The following ANGPT2 variants were observed in gnomAD, a reference collection of about 807,000 sequenced individuals.
ANGPT2 encodes the protein angiopoietin-2.
In ANGPT2, 28 loss-of-function variants were observed where a neutral mutation model predicts 62.9. The observed-to-expected ratio is 0.44, with a 90% CI of 0.33 to 0.61. ANGPT2 has a LOEUF of 0.61. Ranked by LOEUF, ANGPT2 falls within the 20% of genes least tolerant of loss-of-function variation. ANGPT2 has a pLI of 0.03. For missense variants in ANGPT2, 727 were observed against 594.9 expected, an observed-to-expected ratio of 1.22 and a Z score of -2.31; for synonymous variants, 284 against 207.8, an observed-to-expected ratio of 1.37 and a Z score of -3.15.
At chr8:6,555,819 T>C (rs1824512962) in intron 1 of ANGPT2, among the ~76,000 whole-genome samples, 1 of 152,220 alleles carries the variant, frequency 6.6e-6, no homozygotes, top group Non-Finnish European at 1.5e-5. Context: ...ATTATACCAA[T>C]TGCACCAATT....
intron 8 of ANGPT2, 43 bp downstream of exon 8, chr8:6,508,889 A>T (rs1814348331): frequency 6.2e-7 from 1 of 1,613,636 alleles, no homozygotes; most frequent in Non-Finnish European, 8.5e-7. Flanking sequence ...CTATGAAATC[A>T]TTCCTTGCCA....
In ANGPT2 at chr8:6,507,032, G is replaced by T. The variant is rs574071256; in HGVS notation, c.1327+1900C>A. On this transcript the variant is annotated intron_variant, in intron 8 of 8. Transcript: ENST00000629816. ...CCTGCCTCAGCCTCCTGAGTAGCTG[G>T]GATTACAGGCGTATGCCACCACGCC... Among the ~76,000 whole-genome samples, 4 of 152,018 alleles carry T rather than the reference G, an allele frequency of 2.6e-5. No homozygotes were observed. In the East Asian group the frequency reaches 7.8e-4, roughly 30 times the overall value.
At chr8:6,505,859 TA>T (rs1474159915) in intron 8 of ANGPT2, among the ~76,000 whole-genome samples, 5 of 137,912 alleles carry the variant, frequency 3.6e-5, no homozygotes, top group African/African-American at 1.3e-4. Flanking sequence ...TATGTATATA[TA>T]AAAACATACA....
chr8:6,531,331 C>T (rs562169054), intron 2 of ANGPT2, among the ~76,000 whole-genome samples: 2 of 151,240 alleles, frequency 1.3e-5, no homozygotes, highest in Non-Finnish European at 2.9e-5. Flanking sequence ...CTCTGTTGCC[C>T]AGGCTGGAGT....
rs1563306885 is a variant in ANGPT2, at chr8:6,505,413, TTATA to T, written c.1328-2156_1328-2153del. 2.5e-5 allele frequency among the ~76,000 whole-genome samples: 2 copies of T among 81,320 alleles called. 1 individual carries two copies. The highest frequency in any genetic ancestry group is 5.0e-5 in the Non-Finnish European group (2 of 40,166). 53.3% of individuals were successfully genotyped at this position (81,320 alleles called of 152,430 possible). ...TATGTATATAGAATATATATATTCT[TTATA>T]TACATAAAGAATATATATATTCTTT... is the stretch of plus-strand genomic sequence containing the variant. On this transcript the variant is annotated intron_variant, in intron 8 of 8. Transcript: ENST00000629816.
rs1021778687 is a variant in ANGPT2 at position 6,536,815 on chromosome 8, A to G, written c.289-4328T>C. Among the ~76,000 whole-genome samples, 6 of 152,108 alleles carry G rather than the reference A, an allele frequency of 3.9e-5. No individual in the cohort carries two copies. In the East Asian group the frequency reaches 1.2e-3, roughly 29 times the overall value. ...GACCTTGAAATTTCCCTGTCTCTTG[A>G]CCTTGATGAATTAGTTATTTTCTAG... On this transcript the variant is annotated intron_variant, in intron 1 of 8. Transcript: ENST00000629816.
At position 6,506,170 on chromosome 8, in the gene ANGPT2, G is replaced by A. The variant is rs118078761; in HGVS notation, c.1327+2762C>T. ...GAATGCAGATTGGACGGAAGTTTGC[G>A]TGTTCTATTCAGAATCCTTCACATA... On this transcript the variant is annotated intron_variant, in intron 8 of 8. Coordinates refer to ENST00000629816, the MANE Select transcript of ANGPT2 (RefSeq NM_001118887.2). Among the ~76,000 whole-genome samples, 925 of 151,822 alleles carry A rather than the reference G, an allele frequency of 6.1e-3. 2 individuals carry two copies. Among genetic ancestry groups the A allele is most frequent in the Non-Finnish European group, 0.011 (764 of 67,936 alleles).
At chr8:6,554,812 G>C (rs1483696881) in intron 1 of ANGPT2, among the ~76,000 whole-genome samples, 3 of 152,128 alleles carry the variant, frequency 2.0e-5, no homozygotes, top group Non-Finnish European at 4.4e-5. Context: ...AAAGAGAAAG[G>C]TTTTAGCTGG....
intron 1 of ANGPT2, among the ~76,000 whole-genome samples, chr8:6,554,586 G>A (rs1051026462): frequency 4.6e-5 from 7 of 152,030 alleles, no homozygotes; most frequent in Non-Finnish European, 8.8e-5. Flanking sequence ...TTGGTTGTTG[G>A]TTTTTAAAAT....
At chr8:6,532,198 T>C in intron 2 of ANGPT2, 134 bp downstream of exon 2, 1 of 1,064,350 alleles carries the variant, frequency 9.4e-7, no homozygotes, top group Non-Finnish European at 1.4e-6. Context: ...CTTAATTTCT[T>C]ATCAATTCAT....
Position 6,501,659 on chromosome 8 carries a change from A to C in ANGPT2, c.*1442T>G, listed in dbSNP as rs2442469. On this transcript the variant is annotated 3_prime_UTR_variant, in exon 9 of 9. Coordinates refer to ENST00000629816, the MANE Select transcript of ANGPT2 (RefSeq NM_001118887.2). ...AACCTCTACCTCCCTGGTGCAAGCA[A>C]TTCTCCCTGCCTCAGCCTCCCGAGT... is the stretch of plus-strand genomic sequence containing the variant. 6.6e-6 allele frequency: 1 copy of C among 150,718 alleles called. No individual in the cohort carries two copies. Among genetic ancestry groups the C allele is most frequent in the Non-Finnish European group, 1.5e-5 (1 of 67,858 alleles). The allele number at this position is 150,718 out of a possible 1,614,324, so 9.3% of individuals were successfully genotyped here. A position where few individuals can be genotyped will look rare whatever the true frequency, so the allele number is the denominator to read the frequency against.
At chr8:6,526,174 C>A (rs892406002) in intron 3 of ANGPT2, among the ~76,000 whole-genome samples, 10 of 147,888 alleles carry the variant, frequency 6.8e-5, no homozygotes, top group African/African-American at 2.5e-4. Flanking sequence ...AATCCCAGCA[C>A]TTTAGGATGC....
rs145341149 is a variant in ANGPT2 at position 6,523,089 on chromosome 8, C to T, written c.567-1679G>A. ...CTTGGCTCACTGCAACCTTCACCTCCCAGGTTCAAGCTATTCTCCTGCCTC... is the reference window on the plus strand; with the variant it reads ...CTTGGCTCACTGCAACCTTCACCTCTCAGGTTCAAGCTATTCTCCTGCCTC... On this transcript the variant is annotated intron_variant, in intron 3 of 8. Coordinates refer to ENST00000629816, the MANE Select transcript of ANGPT2 (RefSeq NM_001118887.2). 7.3e-3 allele frequency among the ~76,000 whole-genome samples: 1,106 copies of T among 152,094 alleles called. 23 individuals carry two copies. The highest frequency in any genetic ancestry group is 0.025 in the African/African-American group (1,056 of 41,494).
intron 3 of ANGPT2, among the ~76,000 whole-genome samples, chr8:6,524,015 C>A (rs1198730013): frequency 6.6e-6 from 1 of 151,886 alleles, no homozygotes. Context: ...GTTTCAATAT[C>A]TTCATTTTGT....
rs1012269583 is a variant in ANGPT2 at position 6,562,776 on chromosome 8, G to A, written c.159C>T (p.Cys53=). 2 of 1,613,476 alleles carry A rather than the reference G, an allele frequency of 1.2e-6. No individual in the cohort carries two copies. The highest frequency in any genetic ancestry group is 3.3e-4 in the Middle Eastern group (2 of 6,062). Residue 53 remains cysteine (C), a synonymous_variant, in exon 1 of 9, where the codon TGC becomes TGT. Coordinates refer to ENST00000629816, the MANE Select transcript of ANGPT2 (RefSeq NM_001118887.2). ...ACACGTAGGGGCTGGAGGAAGAGCG[G>A]CAGTTGTCCATCTCTGGCAGGAGGA... The part of the protein sequence containing the change: ...YTFLLPEMDN[C]RSSSSPYVSN...
intron 1 of ANGPT2, among the ~76,000 whole-genome samples, chr8:6,539,119 A>G (rs1174928588): frequency 6.6e-6 from 1 of 152,194 alleles, no homozygotes; most frequent in African/African-American, 2.4e-5. Flanking sequence ...GGCTGAGCCT[A>G]AAGAGGGAAG....
intron 8 of ANGPT2, among the ~76,000 whole-genome samples, chr8:6,505,427 A>T (rs1467193536): frequency 1.4e-5 from 1 of 73,406 alleles, no homozygotes; most frequent in Non-Finnish European, 2.9e-5. Context: ...ATACATAAAG[A>T]ATATATATAT....
In ANGPT2 at chr8:6,532,348, G is replaced by C. The variant is rs754607695; in HGVS notation, c.428C>G (p.Thr143Ser). ...ATTACTTACTTGGGCTTCCACATCA[G>C]TTAACTTCCGCGTTTGCTCCGCTGT... ...NQTAEQTRKL[T>S]DVEAQVLNQT... Residue 143 changes from threonine to serine, a missense_variant, in exon 2 of 9, where the codon ACT becomes AGT. By Grantham distance (58) the Thr-to-Ser change is moderately conservative. Transcript: ENST00000629816. The C allele has an allele frequency of 2.5e-6, 4 of 1,614,096 alleles. No individual in the cohort carries two copies. The highest frequency in any genetic ancestry group is 1.7e-5 in the Admixed American group (1 of 60,012).
At chr8:6,537,684 C>A (rs1197774810) in intron 1 of ANGPT2, among the ~76,000 whole-genome samples, 1 of 152,002 alleles carries the variant, frequency 6.6e-6, no homozygotes, top group East Asian at 1.9e-4. Flanking sequence ...GCAACTATGG[C>A]AGATTGATTA....
Sources: allele counts gnomAD v4.1 joint callset (sites outside exome capture counted in the v4.1 genomes callset), GRCh38; gene constraint gnomAD v4.1.1; transcripts MANE v1.5; gene names NCBI Gene and HGNC (gene_info 2026-07-23, HGNC 2026-07-21).